GSG1L: variants seen among roughly 807,000 people sequenced by gnomAD.
GSG1L encodes GSG1 like.
A neutral mutation model predicts 42.1 loss-of-function variants in GSG1L; 24 were observed. The observed-to-expected ratio is 0.57, with a 90% confidence interval of 0.41 to 0.80. The LOEUF is 0.80. Ranked by LOEUF, GSG1L falls within the 30% of genes least tolerant of loss-of-function variation. The probability of loss-of-function intolerance (pLI) is 0.00; values close to 1 mark genes in which losing one functional copy is unlikely to be tolerated. For missense variants in GSG1L, 445 were observed against 472.2 expected, an observed-to-expected ratio of 0.94 and a Z score of 0.53; for synonymous variants, 215 against 203.5, an observed-to-expected ratio of 1.06 and a Z score of -0.48.
chr16:27,827,856 TTCCATCCATCCATCCATCCATCCA>T (rs72231743), intron 5 of GSG1L, among the ~76,000 whole-genome samples: 1 of 128,272 alleles, frequency 7.8e-6, no homozygotes, highest in African/African-American at 3.2e-5. Flanking sequence ...CCACTCACCA[TTCCATCCATCCATCCATCCATCCA>T]TCCATCCATC....
chr16:27,819,007 T>C (rs1044250031), intron 5 of GSG1L, among the ~76,000 whole-genome samples: 2 of 152,106 alleles, frequency 1.3e-5, no homozygotes, highest in Non-Finnish European at 2.9e-5. Flanking sequence ...CCCAGCACTT[T>C]GGGAGGCCGA....
intron 1 of GSG1L, among the ~76,000 whole-genome samples, chr16:27,972,588 G>A (rs1403665360): frequency 6.6e-6 from 1 of 152,186 alleles, no homozygotes; most frequent in African/African-American, 2.4e-5. Flanking sequence ...ACTTCAGACT[G>A]GGGCTTGACA....
intron 2 of GSG1L, among the ~76,000 whole-genome samples, chr16:27,925,250 A>G (rs1013130450): frequency 6.6e-6 from 1 of 152,228 alleles, no homozygotes; most frequent in African/African-American, 2.4e-5. Flanking sequence ...TCAGGGCTTT[A>G]AAGGATGTGT....
Position 27,901,863 on chromosome 16 carries a change from C to T in GSG1L, c.398-17225G>A, listed in dbSNP as rs111718913. 8.8e-3 allele frequency among the ~76,000 whole-genome samples: 1,343 copies of T among 152,340 alleles called. 18 individuals are homozygous for T. Among genetic ancestry groups the T allele is most frequent in the African/African-American group, 0.03 (1,262 of 41,582 alleles). The stretch of plus-strand genomic sequence containing the variant: ...CATCCCCTGTCCCTCCACACTCCAG[C>T]CTCATGGGCAGCTCCCTTCCTCCAA... On this transcript the variant is annotated intron_variant, in intron 2 of 6. Coordinates refer to ENST00000447459, the MANE Select transcript of GSG1L (RefSeq NM_001109763.2).
At chr16:27,845,273 G>A (rs565650200) in intron 3 of GSG1L, among the ~76,000 whole-genome samples, 4 of 152,322 alleles carry the variant, frequency 2.6e-5, no homozygotes, top group African/African-American at 9.6e-5. Context: ...TTAAGACAGG[G>A]TCTTGCTCTG....
intron 2 of GSG1L, among the ~76,000 whole-genome samples, chr16:27,951,214 G>A (rs1174735855): frequency 6.6e-6 from 1 of 152,134 alleles, no homozygotes; most frequent in African/African-American, 2.4e-5. Flanking sequence ...ACAATGGCCA[G>A]GCATCATAGG....
chr16:27,867,104 TTGATGTC>T (rs2083737695), intron 3 of GSG1L, among the ~76,000 whole-genome samples: 1 of 152,158 alleles, frequency 6.6e-6, no homozygotes, highest in Non-Finnish European at 1.5e-5. Context: ...AGAGGCCACC[TTGATGTC>T]TGTGGTACTA....
In GSG1L at chr16:27,884,236, A is replaced by G. The variant is rs1439402320; in HGVS notation, c.550+250T>C. Among the ~76,000 whole-genome samples, 1 of 152,164 alleles carries G rather than the reference A, an allele frequency of 6.6e-6. No homozygotes were observed. ...TCTGCCTCTCCCTCCCACATGTGTT[A>G]TGCTCCTTGAGGTCTGGGACTGCCT... On this transcript the variant is annotated intron_variant, in intron 3 of 6. Transcript: ENST00000447459. The surrounding 1 kb of genome is among the most constrained non-coding windows in gnomAD (Gnocchi z 4.4).
rs543573866 is a variant in GSG1L, at chr16:27,896,595, G to A, written c.398-11957C>T. Among the ~76,000 whole-genome samples the A allele has an allele frequency of 7.2e-5, 11 of 152,244 alleles. No individual in the cohort carries two copies. The South Asian group carries it at 8.3e-4, about 11-fold the overall frequency. On this transcript the variant is annotated intron_variant, in intron 2 of 6. Coordinates refer to ENST00000447459, the MANE Select transcript of GSG1L (RefSeq NM_001109763.2). ...TAAATTTTTTAAAAAGTCAAAGGTCGAAGGCATAGAAAAAAAAGATTTTGA... is the reference window on the plus strand; with the variant it reads ...TAAATTTTTTAAAAAGTCAAAGGTCAAAGGCATAGAAAAAAAAGATTTTGA...
chr16:28,038,663 G>A (rs760601688), intron 1 of GSG1L, among the ~76,000 whole-genome samples: 3 of 152,142 alleles, frequency 2.0e-5, no homozygotes, highest in East Asian at 1.9e-4. Context: ...ATCGCCATCC[G>A]TCCTCCTGGC....
At chr16:27,859,495 AG>A (rs2083617423) in intron 3 of GSG1L, among the ~76,000 whole-genome samples, 2 of 152,286 alleles carry the variant, frequency 1.3e-5, no homozygotes, top group South Asian at 4.1e-4. Context: ...AAGCAAATAT[AG>A]GGGCAGAGAG....
chr16:27,906,463 G>T (rs558472463), intron 2 of GSG1L, among the ~76,000 whole-genome samples: 36 of 152,208 alleles, frequency 2.4e-4, no homozygotes, highest in African/African-American at 8.7e-4. Flanking sequence ...GGCCTTCCTG[G>T]TTCTTACCCC....
At chr16:28,058,634 AAAC>A (rs1180754673) in intron 1 of GSG1L, among the ~76,000 whole-genome samples, 2 of 144,976 alleles carry the variant, frequency 1.4e-5, no homozygotes. Flanking sequence ...AAAAAAAAAA[AAAC>A]AAACAAACCA....
Position 27,828,921 on chromosome 16 carries a change from G to A in GSG1L, c.698C>T (p.Ala233Val), listed in dbSNP as rs748467525. ...GTAGGAGTTGAGCGTGGTGACAGAG[G>A]CTGCCATGCAGCAGGTAAAGGAGCC... ...AWGSFTCCMA[A>V]SVTTLNSYTK... Residue 233 changes from alanine to valine, a missense_variant, in exon 5 of 7, where the codon GCC becomes GTC. Physicochemically the swap from Ala to Val is moderately conservative, Grantham distance 64. Transcript: ENST00000447459. 6.2e-7 allele frequency: 1 copy of A among 1,614,216 alleles called. No homozygotes were observed. Among genetic ancestry groups the A allele is most frequent in the Non-Finnish European group, 8.5e-7 (1 of 1,180,028 alleles).
chr16:27,866,019 T>C (rs1418266894), intron 3 of GSG1L, among the ~76,000 whole-genome samples: 1 of 152,082 alleles, frequency 6.6e-6, no homozygotes, highest in Non-Finnish European at 1.5e-5. Context: ...TCTTAGTTTC[T>C]GTTTCTCTCT....
chr16:27,817,958 C>T (rs954281722), intron 5 of GSG1L, among the ~76,000 whole-genome samples: 2 of 152,184 alleles, frequency 1.3e-5, no homozygotes, highest in Admixed American at 1.3e-4. Context: ...TCCTCCAGCC[C>T]AGTACTTCGC....
At chr16:27,944,220 T>G (rs1960443605) in intron 2 of GSG1L, among the ~76,000 whole-genome samples, 3 of 152,202 alleles carry the variant, frequency 2.0e-5, no homozygotes, top group Admixed American at 2.0e-4. Flanking sequence ...CTTGCTGCAT[T>G]GTACTAATTT....
At chr16:28,007,623 C>G (rs1459566668) in intron 1 of GSG1L, among the ~76,000 whole-genome samples, 2 of 152,104 alleles carry the variant, frequency 1.3e-5, no homozygotes, top group Admixed American at 1.3e-4. Context: ...GGTGATCCTG[C>G]CACCTCAACC....
chr16:27,791,789 C>T (rs1046543677), intron 6 of GSG1L, among the ~76,000 whole-genome samples: 2 of 152,060 alleles, frequency 1.3e-5, no homozygotes, highest in African/African-American at 4.8e-5. Context: ...CAGCCCAGAA[C>T]CCGCTCATGC....
Sources: gnomAD v4.1 joint callset for allele counts (sites outside exome capture counted in the v4.1 genomes callset) on GRCh38, gnomAD v4.1.1 for gene constraint, Gnocchi (gnomAD v3.1) non-coding constraint, MANE v1.5 for transcripts, NCBI Gene and HGNC (gene_info 2026-07-23, HGNC 2026-07-21) for gene names.